The following ABCB1 variants were observed in gnomAD, a reference collection of about 807,000 sequenced individuals.
ABCB1 encodes the protein ATP binding cassette subfamily B member 1, also known as ATP-dependent translocase ABCB1.
A neutral mutation model predicts 142.0 loss-of-function variants in ABCB1; 69 were observed. The observed-to-expected ratio is 0.49, with a 90% CI of 0.40 to 0.59. ABCB1 has a LOEUF of 0.59. Among genes scored for constraint, ABCB1 ranks in the 20% least tolerant of loss-of-function variants. ABCB1 has a pLI of 0.00. For missense variants in ABCB1, 1,326 were observed against 1,554.7 expected (o/e 0.85, Z 2.47); for synonymous variants, 532 against 539.2 (o/e 0.99, Z 0.18).
At chr7:87,559,004 T>C (rs990835490) in intron 8 of ABCB1, among the ~76,000 whole-genome samples, 1 of 152,190 alleles carries the variant, frequency 6.6e-6, no homozygotes, top group African/African-American at 2.4e-5. Flanking sequence ...TCTGCATCTA[T>C]GTTTTAGGTG....
chr7:87,554,295 C>T (rs1317002705), intron 8 of ABCB1, among the ~76,000 whole-genome samples: 1 of 150,990 alleles, frequency 6.6e-6, no homozygotes, highest in Non-Finnish European at 1.5e-5. Flanking sequence ...ATCTGCATGC[C>T]TCTTTAATTA....
chr7:87,711,283 GCC>G (rs1830060405), intron 1 of ABCB1, among the ~76,000 whole-genome samples: 1 of 147,970 alleles, frequency 6.8e-6, no homozygotes, highest in African/African-American at 2.7e-5. Context: ...CCGAGATTGA[GCC>G]ATTGCACCGC....
intron 2 of ABCB1, 30 bp from the exon 3 acceptor site, chr7:87,595,844 C>T: frequency 6.4e-7 from 1 of 1,568,410 alleles, no homozygotes; most frequent in Non-Finnish European, 8.8e-7. Flanking sequence ...TTACATAAAA[C>T]TTTAAAAAGT....
intron 1 of ABCB1, among the ~76,000 whole-genome samples, chr7:87,690,055 G>A (rs759403222): frequency 4.7e-4 from 72 of 151,884 alleles, no homozygotes; most frequent in South Asian, 1.0e-3. Flanking sequence ...ATCTCGAACC[G>A]CTGAGCTCAA....
At position 87,521,516 on chromosome 7, in the gene ABCB1, G is replaced by A; in HGVS notation, c.2686-640C>T. 10 of 754,804 alleles carry A rather than the reference G, an allele frequency of 1.3e-5. No homozygotes were observed. In the South Asian group the frequency reaches 1.4e-4, roughly 10 times the overall value. 46.8% of individuals were successfully genotyped at this position (754,804 alleles called of 1,614,324 possible). ...AAACAGCTGAGGAAATTCTTCATTG[G>A]AGGTTGAGCTCTACATTGGTTGACC... is the stretch of plus-strand genomic sequence containing the variant. On this transcript the variant is annotated intron_variant, in intron 21 of 27. Coordinates refer to ENST00000622132, the MANE Select transcript of ABCB1 (RefSeq NM_001348946.2).
At chr7:87,580,446 T>G (rs946307168) in intron 4 of ABCB1, among the ~76,000 whole-genome samples, 1 of 152,226 alleles carries the variant, frequency 6.6e-6, no homozygotes, top group South Asian at 2.1e-4. Context: ...TTGTATGTTA[T>G]TTGTTCCTTT....
At chr7:87,571,879 A>G (rs1448293688) in intron 4 of ABCB1, among the ~76,000 whole-genome samples, 2 of 152,224 alleles carry the variant, frequency 1.3e-5, no homozygotes, top group Non-Finnish European at 2.9e-5. Flanking sequence ...GCCAGCAGAT[A>G]GGGAGAAAAC....
chr7:87,580,103 A>C (rs111736232), intron 4 of ABCB1, among the ~76,000 whole-genome samples: 2,271 of 152,146 alleles, frequency 0.015, 65 homozygotes, highest in African/African-American at 0.051. Context: ...CAGTGTTGTA[A>C]TATTCTGTGT....
At chr7:87,641,763 T>C (rs1284111400) in intron 1 of ABCB1, among the ~76,000 whole-genome samples, 2 of 152,254 alleles carry the variant, frequency 1.3e-5, no homozygotes, top group Non-Finnish European at 2.9e-5. Context: ...TTTGTTGTTT[T>C]AGCTAAGTAA....
intron 1 of ABCB1, among the ~76,000 whole-genome samples, chr7:87,616,920 C>A (rs1179221477): frequency 6.6e-6 from 1 of 152,098 alleles, no homozygotes; most frequent in Non-Finnish European, 1.5e-5. Flanking sequence ...ATTGGTCTGT[C>A]TCTTCATCTA....
intron 1 of ABCB1, chr7:87,628,584 CGTGTGTGTGT>C (rs71117546): frequency 0.25 from 71,406 of 289,688 alleles, 5,714 homozygotes; most frequent in South Asian, 0.37. Flanking sequence ...TGCGTGCGTG[CGTGTGTGTGT>C]GTGTGTGTGT....
intron 1 of ABCB1, among the ~76,000 whole-genome samples, chr7:87,703,793 A>C (rs1459884938): frequency 7.1e-6 from 1 of 140,294 alleles, no homozygotes; most frequent in Non-Finnish European, 1.5e-5. Context: ...TTTTTAATTC[A>C]TTTACTTACT....
chr7:87,639,878 T>G (rs908626018), intron 1 of ABCB1, among the ~76,000 whole-genome samples: 1 of 151,906 alleles, frequency 6.6e-6, no homozygotes, highest in Non-Finnish European at 1.5e-5. Context: ...CCATTTTAAT[T>G]AACGTTATTA....
At chr7:87,617,872 C>T (rs1820080446) in intron 1 of ABCB1, among the ~76,000 whole-genome samples, 4 of 152,070 alleles carry the variant, frequency 2.6e-5, no homozygotes, top group Admixed American at 2.6e-4. Flanking sequence ...AAAACAAATC[C>T]TATCTTCCTC....
intron 21 of ABCB1, among the ~76,000 whole-genome samples, chr7:87,525,999 T>A (rs1815766463): frequency 6.6e-6 from 1 of 152,154 alleles, no homozygotes; most frequent in African/African-American, 2.4e-5. Flanking sequence ...TTGCGTAAAG[T>A]TAGTTTTCTG....
rs202092343 is a variant in ABCB1 at position 87,633,668 on chromosome 7, AT to A, written c.-330-32591del. Among the ~76,000 whole-genome samples, 785 of 146,840 alleles carry A rather than the reference AT, an allele frequency of 5.3e-3. 7 individuals are homozygous for A. Among genetic ancestry groups the A allele is most frequent in the East Asian group, 0.051 (259 of 5,084 alleles). On this transcript the variant is annotated intron_variant, in intron 1 of 28. Transcript: ENST00000265724. ...TATAACTAAACTTATCAGGTGTTTA[AT>A]TTTTTTTTTTTTAAAAAGCACCCAG...
chr7:87,518,702 T>C (rs1471837206), intron 23 of ABCB1, among the ~76,000 whole-genome samples: 2 of 152,190 alleles, frequency 1.3e-5, no homozygotes, highest in Non-Finnish European at 2.9e-5. Context: ...ATCTAGAAGC[T>C]CAGAAAGATT....
intron 20 of ABCB1, among the ~76,000 whole-genome samples, chr7:87,531,913 C>T (rs1341466889): frequency 1.3e-5 from 2 of 152,106 alleles, no homozygotes; most frequent in Admixed American, 6.6e-5. Flanking sequence ...TCAAATATAT[C>T]TGGGTCTGTT....
chr7:87,536,434 C>T (rs2235040), intron 20 of ABCB1, 24 bp downstream of exon 20: 203,286 of 1,612,404 alleles, frequency 0.13, 13,436 homozygotes, highest in African/African-American at 0.16. Context: ...TTAAGACAAA[C>T]ACCAGTAGAA....
Sources: gnomAD v4.1 joint callset for allele counts (sites outside exome capture counted in the v4.1 genomes callset) on GRCh38, gnomAD v4.1.1 for gene constraint, MANE v1.5 for transcripts, NCBI Gene and HGNC (gene_info 2026-07-23, HGNC 2026-07-21) for gene names.